NRXN1: variants seen among roughly 807,000 people sequenced by gnomAD.
NRXN1 encodes neurexin-1.
Under a neutral mutation model 150.9 loss-of-function variants are expected in NRXN1, and 39 were observed. That is an observed-to-expected ratio of 0.26 (90% CI 0.20 to 0.34). The LOEUF (loss-of-function observed/expected upper bound fraction) is 0.34, where lower values mean the gene tolerates loss of function less well. Ranked by LOEUF, NRXN1 falls within the 10% of genes least tolerant of loss-of-function variation. NRXN1 has a pLI of 1.00. For synonymous variants in NRXN1, 924 were observed against 757.0 expected (o/e 1.22, Z -3.62); for missense variants, 1,815 against 1,949.9 (o/e 0.93, Z 1.30).
intron 8 of NRXN1, among the ~76,000 whole-genome samples, chr2:50,560,898 CT>C (rs1668976034): frequency 6.6e-6 from 1 of 152,034 alleles, no homozygotes; most frequent in South Asian, 2.1e-4. Context: ...ATACCAAAAC[CT>C]GTTATAAAAT....
At chr2:50,170,522 C>T (rs1389923469) in intron 18 of NRXN1, among the ~76,000 whole-genome samples, 1 of 152,062 alleles carries the variant, frequency 6.6e-6, no homozygotes, top group African/African-American at 2.4e-5. Context: ...GTCTCATACT[C>T]CTGTCCTCAA....
chr2:50,033,889 T>C (rs539076065), intron 21 of NRXN1, among the ~76,000 whole-genome samples: 9 of 151,696 alleles, frequency 5.9e-5, no homozygotes, highest in Admixed American at 2.6e-4. Context: ...CTCAGCATCA[T>C]TGATCGTTAA....
chr2:50,455,812 G>T (rs2087499114), intron 17 of NRXN1, among the ~76,000 whole-genome samples: 1 of 152,122 alleles, frequency 6.6e-6, no homozygotes, highest in African/African-American at 2.4e-5. Context: ...ACTCATCAAA[G>T]ATTTGACACG....
At chr2:50,889,359 C>G (rs1680720831) in intron 5 of NRXN1, among the ~76,000 whole-genome samples, 2 of 151,608 alleles carry the variant, frequency 1.3e-5, no homozygotes, top group Non-Finnish European at 3.0e-5. Context: ...AAGATAGTAA[C>G]CATGTTTTGG....
chr2:49,924,813 A>C (rs11902804), intron 22 of NRXN1, among the ~76,000 whole-genome samples: 26,261 of 152,184 alleles, frequency 0.17, 2,554 homozygotes, highest in East Asian at 0.3. Context: ...TAAACATGTT[A>C]TCTTTCTTTT....
intron 17 of NRXN1, among the ~76,000 whole-genome samples, chr2:50,335,556 T>C (rs546991605): frequency 2.0e-4 from 30 of 152,306 alleles, no homozygotes; most frequent in South Asian, 8.3e-4. Flanking sequence ...AAAGGCTTAA[T>C]CTAAATTCTA....
At chr2:50,611,119 A>T (rs1678046732) in intron 8 of NRXN1, among the ~76,000 whole-genome samples, 1 of 129,040 alleles carries the variant, frequency 7.7e-6, no homozygotes, top group Non-Finnish European at 1.7e-5. Flanking sequence ...CAAATGGAGC[A>T]ATTTAAACAA....
chr2:49,967,218 A>G (rs1248887533), intron 21 of NRXN1, among the ~76,000 whole-genome samples: 1 of 152,130 alleles, frequency 6.6e-6, no homozygotes, highest in Non-Finnish European at 1.5e-5. Context: ...CAACGGTTAT[A>G]TGACATATTC....
chr2:50,053,558 T>C lies in NRXN1; in HGVS notation c.3841A>G (p.Thr1281Ala). The C allele has an allele frequency of 1.2e-6, 2 of 1,614,018 alleles. No homozygotes were observed. Among genetic ancestry groups the C allele is most frequent in the Non-Finnish European group, 8.5e-7 (1 of 1,179,922 alleles). The change falls in exon 21 of 23, where the codon ACC (threonine) becomes GCC (alanine). Residue 1281 changes from threonine to alanine, a missense_variant. Thr to Ala is a moderately conservative substitution (Grantham distance 58). Around this residue, in one of 6 missense-constraint regions of NRXN1, gnomAD observed 265 missense variants for 307.1 expected, o/e 0.86. Coordinates refer to ENST00000401669, the MANE Select transcript of NRXN1 (RefSeq NM_001330078.2). ...RQLTIFNSQA[T>A]IIIGGKEQGQ... ...TGCTCTTTCCCGCCAATTATTATGG[T>C]TGCTTGGCTATTGAAGATTGTGAGC...
At chr2:50,132,575 G>T (rs1439625942) in intron 18 of NRXN1, among the ~76,000 whole-genome samples, 1 of 152,104 alleles carries the variant, frequency 6.6e-6, no homozygotes, top group Non-Finnish European at 1.5e-5. Flanking sequence ...AAAGCGCTGA[G>T]ATTACAGGCA....
At chr2:50,660,021 C>T (rs1055746931) in intron 5 of NRXN1, among the ~76,000 whole-genome samples, 3 of 152,006 alleles carry the variant, frequency 2.0e-5, no homozygotes, top group African/African-American at 7.2e-5. Flanking sequence ...TTTATCCCAA[C>T]ATCTAGAACA....
At chr2:50,739,960 A>G (rs901071607) in intron 5 of NRXN1, among the ~76,000 whole-genome samples, 2 of 152,226 alleles carry the variant, frequency 1.3e-5, no homozygotes, top group African/African-American at 4.8e-5. Context: ...TGGCAGCATA[A>G]GCACTGTCAT....
intron 5 of NRXN1, among the ~76,000 whole-genome samples, chr2:50,727,740 TAAG>T (rs1574262212): frequency 6.6e-6 from 1 of 152,134 alleles, no homozygotes; most frequent in Admixed American, 6.5e-5. Flanking sequence ...TGGCAATATA[TAAG>T]AAGAAGATCT....
chr2:50,238,786 C>T (rs747560611), intron 17 of NRXN1, among the ~76,000 whole-genome samples: 4 of 151,910 alleles, frequency 2.6e-5, no homozygotes, highest in African/African-American at 4.8e-5. Flanking sequence ...TGCAATATGC[C>T]TATTGTACCT....
intron 5 of NRXN1, among the ~76,000 whole-genome samples, chr2:50,756,343 C>T (rs1046265494): frequency 6.6e-6 from 1 of 151,508 alleles, no homozygotes; most frequent in Non-Finnish European, 1.5e-5. Context: ...AAAGTGCATT[C>T]TAGATGCCAA....
At chr2:50,903,195 G>A (rs1435364439) in intron 5 of NRXN1, among the ~76,000 whole-genome samples, 1 of 152,062 alleles carries the variant, frequency 6.6e-6, no homozygotes. Context: ...AAATAAGTAA[G>A]ATACTGGAAT....
intron 17 of NRXN1, among the ~76,000 whole-genome samples, chr2:50,392,041 T>A (rs79097060): frequency 1.4e-4 from 22 of 152,170 alleles, no homozygotes; most frequent in Non-Finnish European, 2.4e-4. Flanking sequence ...TTTATCAAAG[T>A]TGCCATCTAT....
intron 5 of NRXN1, among the ~76,000 whole-genome samples, chr2:50,754,106 A>G (rs996301970): frequency 6.6e-6 from 1 of 151,876 alleles, no homozygotes; most frequent in Non-Finnish European, 1.5e-5. Context: ...TTCATTCACT[A>G]TCCATTTACA....
At chr2:50,734,179 G>T (rs1436338751) in intron 5 of NRXN1, among the ~76,000 whole-genome samples, 1 of 152,122 alleles carries the variant, frequency 6.6e-6, no homozygotes, top group Non-Finnish European at 1.5e-5. Context: ...CTATGTCAAA[G>T]AATTCTGAGG....
Sources: gnomAD v4.1 joint callset for allele counts (sites outside exome capture counted in the v4.1 genomes callset) on GRCh38, gnomAD v4.1.1 for gene constraint, gnomAD v4.1.1 regional missense constraint, MANE v1.5 for transcripts, NCBI Gene and HGNC (gene_info 2026-07-23, HGNC 2026-07-21) for gene names.